Variants in SRRM1 observed in about 807,000 individuals in gnomAD.
SRRM1 encodes serine and arginine repetitive matrix 1.
Under a neutral mutation model 110.2 loss-of-function variants are expected in SRRM1, and 19 were observed. The observed-to-expected ratio is 0.17, with a 90% CI of 0.12 to 0.25. The LOEUF (loss-of-function observed/expected upper bound fraction) is 0.25, where lower values mean the gene tolerates loss of function less well. Among genes scored for constraint, SRRM1 ranks in the 10% least tolerant of loss-of-function variants. The pLI is 1.00. For missense variants in SRRM1, 918 were observed against 1,145.8 expected (o/e 0.80, Z 2.87); for synonymous variants, 443 against 414.9 (o/e 1.07, Z -0.82).
intron 1 of SRRM1, among the ~76,000 whole-genome samples, chr1:24,644,159 G>T (rs1163820704): frequency 6.6e-6 from 1 of 152,054 alleles, no homozygotes; most frequent in African/African-American, 2.4e-5. Context: ...TGCCAGCGTC[G>T]TCTGCCCATC....
intron 8 of SRRM1, 81 bp from the exon 9 acceptor site, chr1:24,654,774 A>T: frequency 1.3e-6 from 2 of 1,528,322 alleles, no homozygotes; most frequent in Admixed American, 3.7e-5. Context: ...AAATAGCTGT[A>T]TTTTTGTGTA....
At chr1:24,663,885 A>AATT (rs1469598447) in intron 12 of SRRM1, among the ~76,000 whole-genome samples, 10 of 73,498 alleles carry the variant, frequency 1.4e-4, no homozygotes, top group African/African-American at 8.4e-4. Context: ...CAAAAATAAT[A>AATT]ATAATAATAA....
rs1011877687 is a variant in SRRM1, at chr1:24,671,255, C to T, written c.2401-131C>T. 6 of 996,140 alleles carry T rather than the reference C, an allele frequency of 6.0e-6. No individual in the cohort carries two copies. In the East Asian group the frequency reaches 1.2e-4, roughly 20 times the overall value. The allele number at this position is 996,140 out of a possible 1,614,324, so 61.7% of individuals were successfully genotyped here. A position where few individuals can be genotyped will look rare whatever the true frequency, so the allele number is the denominator to read the frequency against. On this transcript the variant is annotated intron_variant, in intron 15 of 16. Transcript: ENST00000323848. ...TAATTGGCCTTGGGCCTTCCCCACT[C>T]ACACCCTCCAAAGCCTTTCGGAAAT...
rs766869632 is a variant in SRRM1, at chr1:24,651,450, C to T, written c.563C>T (p.Pro188Leu). Residue 188 changes from proline (P) to leucine (L), a missense_variant, in exon 6 of 17, where the codon CCT becomes CTT. Physicochemically the swap from Pro to Leu is moderately conservative, Grantham distance 98 (BLOSUM62 -3). Around this residue, in one of 5 missense-constraint regions of SRRM1, gnomAD observed 456 missense variants for 453.5 expected, o/e 1.01. Transcript: ENST00000323848. ...CCTTCCCCTAGAAGACGATCTTCCCCTGTCAGGAGAGAGAGAAAGCGCAGT... is the reference window on the plus strand; with the variant it reads ...CCTTCCCCTAGAAGACGATCTTCCCTTGTCAGGAGAGAGAGAAAGCGCAGT... ...RSPSPRRRSS[P>L]VRRERKRSHS... The T allele has an allele frequency of 6.2e-7, 1 of 1,614,148 alleles. No individual in the cohort carries two copies. Among genetic ancestry groups the T allele is most frequent in the Non-Finnish European group, 8.5e-7 (1 of 1,180,008 alleles).
intron 11 of SRRM1, 75 bp downstream of exon 11, chr1:24,661,471 T>G: frequency 9.7e-7 from 1 of 1,033,298 alleles, no homozygotes; most frequent in Non-Finnish European, 1.5e-6. Context: ...AACATCTGTG[T>G]GTGCAGCATG....
intron 12 of SRRM1, among the ~76,000 whole-genome samples, chr1:24,664,685 A>G (rs1668999953): frequency 6.6e-6 from 1 of 152,218 alleles, no homozygotes; most frequent in African/African-American, 2.4e-5. Context: ...AGCACGGGGT[A>G]TTTACACTGT....
intron 8 of SRRM1, 79 bp downstream of exon 8, chr1:24,653,111 G>C (rs1239866016): frequency 7.2e-7 from 1 of 1,391,366 alleles, no homozygotes; most frequent in Non-Finnish European, 9.8e-7. Flanking sequence ...CTGTAAATTA[G>C]TGTCCCCTGG....
chr1:24,673,261 T>C lies in SRRM1; in HGVS notation c.*975T>C, dbSNP rs984351576. The C allele has an allele frequency of 6.6e-6, 1 of 152,090 alleles. No homozygotes were observed. Among genetic ancestry groups the C allele is most frequent in the African/African-American group, 2.4e-5 (1 of 41,380 alleles). The allele number at this position is 152,090 out of a possible 1,614,324, so 9.4% of individuals were successfully genotyped here. Reference sequence around the variant, plus strand: ...GATTAAACAGAATAAATTTCTAAATTTAAAAATTTTGCCACTCTTACTTAG... The same window carrying C: ...GATTAAACAGAATAAATTTCTAAATCTAAAAATTTTGCCACTCTTACTTAG... On this transcript the variant is annotated 3_prime_UTR_variant, in exon 17 of 17. Coordinates refer to ENST00000323848, the MANE Select transcript of SRRM1 (RefSeq NM_005839.4).
intron 9 of SRRM1, among the ~76,000 whole-genome samples, chr1:24,659,194 C>CA (rs200974229): frequency 0.014 from 1,804 of 129,864 alleles, 14 homozygotes; most frequent in African/African-American, 0.042. Flanking sequence ...AACTCTGTCT[C>CA]AAAAAAAAAA....
At position 24,654,463 on chromosome 1, in the gene SRRM1, A is replaced by C. The variant is rs188000059; in HGVS notation, c.1041-392A>C. On this transcript the variant is annotated intron_variant, in intron 8 of 16. Transcript: ENST00000323848. ...TTTGCACATCTTTTTTAAAAATGCAACCTAAAGGTTTCTCAACATTGTGTT... is the reference window on the plus strand; with the variant it reads ...TTTGCACATCTTTTTTAAAAATGCACCCTAAAGGTTTCTCAACATTGTGTT... The C allele has an allele frequency of 2.2e-4, 187 of 859,310 alleles. No homozygotes were observed. The African/African-American group carries it at 2.3e-3, about 10-fold the overall frequency. 53.2% of individuals were successfully genotyped at this position (859,310 alleles called of 1,614,324 possible).
intron 1 of SRRM1, chr1:24,643,585 T>G (rs1655181519): frequency 2.5e-6 from 1 of 396,536 alleles, no homozygotes; most frequent in Non-Finnish European, 4.3e-6. Flanking sequence ...GGCCGGAAAA[T>G]GGCGGCGGGA....
intron 5 of SRRM1, among the ~76,000 whole-genome samples, chr1:24,651,165 A>G (rs577642380): frequency 6.6e-6 from 1 of 152,316 alleles, no homozygotes; most frequent in South Asian, 2.1e-4. Context: ...TTAAGAACCT[A>G]AGTCTAGAGT....
intron 2 of SRRM1, 129 bp from the exon 3 acceptor site, chr1:24,646,538 A>T: frequency 5.4e-6 from 4 of 734,036 alleles, no homozygotes; most frequent in Non-Finnish European, 8.5e-6. Context: ...AAAAAAAAAA[A>T]AATTAGCAGA....
chr1:24,644,875 G>A (rs1656439160), intron 1 of SRRM1, among the ~76,000 whole-genome samples: 1 of 152,156 alleles, frequency 6.6e-6, no homozygotes, highest in South Asian at 2.1e-4. Flanking sequence ...TGATTGATGA[G>A]CAAATTTTAA....
intron 5 of SRRM1, 38 bp from the exon 6 acceptor site, chr1:24,651,371 G>C: frequency 6.4e-7 from 1 of 1,555,212 alleles, no homozygotes; most frequent in Non-Finnish European, 8.8e-7. Flanking sequence ...TCCAATCCAT[G>C]TTATTTAAAA....
chr1:24,670,029 C>G, intron 14 of SRRM1, 91 bp from the exon 15 acceptor site: 1 of 1,154,042 alleles, frequency 8.7e-7, no homozygotes, highest in South Asian at 1.6e-5. Context: ...ATTTGAAATT[C>G]ATAACCTGGT....
chr1:24,656,489 C>G (rs1362005866), intron 9 of SRRM1, among the ~76,000 whole-genome samples: 1 of 152,168 alleles, frequency 6.6e-6, no homozygotes, highest in East Asian at 1.9e-4. Context: ...GAGAGAGGGG[C>G]TTCGGGATCA....
intron 3 of SRRM1, 117 bp from the exon 4 acceptor site, chr1:24,648,742 C>G: frequency 1.2e-6 from 1 of 828,246 alleles, no homozygotes; most frequent in Non-Finnish European, 1.9e-6. Context: ...ATATATATGT[C>G]TAAGCCCCTA....
intron 9 of SRRM1, 128 bp downstream of exon 9, chr1:24,655,257 A>C: frequency 9.3e-7 from 1 of 1,077,708 alleles, no homozygotes; most frequent in South Asian, 1.6e-5. Context: ...TACTCTCTGT[A>C]GGTTTACTTA....
Sources: gnomAD v4.1 joint callset for allele counts (sites outside exome capture counted in the v4.1 genomes callset) on GRCh38, gnomAD v4.1.1 for gene constraint, gnomAD v4.1.1 regional missense constraint, MANE v1.5 for transcripts, NCBI Gene and HGNC (gene_info 2026-07-23, HGNC 2026-07-21) for gene names.